USP47: variants seen among roughly 807,000 people sequenced by gnomAD.
The protein encoded by USP47 is ubiquitin specific peptidase 47, also known as ubiquitin carboxyl-terminal hydrolase 47.
In USP47, 35 loss-of-function variants were observed where a neutral mutation model predicts 165.1. The observed-to-expected ratio is 0.21, with a 90% confidence interval of 0.16 to 0.28. USP47 has a LOEUF of 0.28. USP47 is among the 10% of genes least tolerant of loss of function. The pLI is 1.00. For synonymous variants in USP47, 531 were observed against 544.5 expected (o/e 0.98, Z 0.35); for missense variants, 1,277 against 1,607.4 (o/e 0.79, Z 3.52).
chr11:11,846,480 TGAAG>T (rs1848433400), intron 1 of USP47, among the ~76,000 whole-genome samples: 1 of 152,008 alleles, frequency 6.6e-6, no homozygotes, highest in Admixed American at 6.6e-5. Flanking sequence ...ATGGAAAAAA[TGAAG>T]GAAAAAGAGT....
chr11:11,931,772 G>A lies in USP47; in HGVS notation c.1651+1021G>A, dbSNP rs137869427. On this transcript the variant is annotated intron_variant, in intron 14 of 27. Transcript: ENST00000527733. ...ATAAAATTTTTTTCCCCTTTTTAAT[G>A]CCAAATAATCATTGGCTTTATTAAA... is the stretch of plus-strand genomic sequence containing the variant. Among the ~76,000 whole-genome samples, 782 of 152,096 alleles carry A rather than the reference G, an allele frequency of 5.1e-3. 10 individuals are homozygous for A. Among genetic ancestry groups the A allele is most frequent in the African/African-American group, 0.018 (751 of 41,466 alleles).
chr11:11,883,321 G>A (rs1282323822), intron 2 of USP47, among the ~76,000 whole-genome samples: 1 of 152,094 alleles, frequency 6.6e-6, no homozygotes, highest in African/African-American at 2.4e-5. Flanking sequence ...TGTGTTTATA[G>A]TATTCTAAGC....
At chr11:11,875,600 T>C (rs1787546213) in intron 1 of USP47, among the ~76,000 whole-genome samples, 1 of 152,224 alleles carries the variant, frequency 6.6e-6, no homozygotes, top group African/African-American at 2.4e-5. Flanking sequence ...TATGGTTTTA[T>C]TCTTTCTACT....
chr11:11,938,296 A>T lies in USP47; in HGVS notation c.2117A>T (p.Glu706Val). ...GTTCATGTTGTTGATCTAAAGGCAGAATCTGTAGCTGCTCCTATAACTGTT... is the reference window on the plus strand; with the variant it reads ...GTTCATGTTGTTGATCTAAAGGCAGTATCTGTAGCTGCTCCTATAACTGTT... ...VKVHVVDLKAESVAAPITVRA... is the reference protein window; with the variant it reads ...VKVHVVDLKAVSVAAPITVRA... Residue 706 changes from glutamate to valine, a missense_variant, in exon 18 of 28, where the codon GAA becomes GTA. By Grantham distance (121) the Glu-to-Val change is moderately radical (BLOSUM62 -2). Transcript: ENST00000527733. 7 of 1,612,298 alleles carry T rather than the reference A, an allele frequency of 4.3e-6. No individual in the cohort carries two copies. The highest frequency in any genetic ancestry group is 5.9e-6 in the Non-Finnish European group (7 of 1,178,840).
At chr11:11,912,890 C>T (rs1006478608) in intron 8 of USP47, among the ~76,000 whole-genome samples, 6 of 151,764 alleles carry the variant, frequency 4.0e-5, no homozygotes, top group South Asian at 4.2e-4. Flanking sequence ...TCCATATTAA[C>T]GAGCCAAAAA....
rs1360635272 is a variant in USP47, at chr11:11,892,105, T to G, written c.495T>G (p.Thr165=). ...CATCTATTTTGAATAAATCAGAAAC[T>G]GGTAAGATTTGTTGTATTTTCATAA... ...SYSSILNKSE[T]GYVGLVNQAM... is the part of the protein sequence containing the mutation. The change falls in exon 4 of 28, where the codon ACT becomes ACG. Residue 165 remains threonine (T), a splice_region_variant and synonymous_variant. Coordinates refer to ENST00000527733, the MANE Select transcript of USP47 (RefSeq NM_001282659.2). The G allele has an allele frequency of 6.2e-7, 1 of 1,610,920 alleles. No individual in the cohort carries two copies. The highest frequency in any genetic ancestry group is 1.3e-5 in the African/African-American group (1 of 74,694).
intron 1 of USP47, among the ~76,000 whole-genome samples, chr11:11,853,628 A>C (rs73411066): frequency 0.064 from 9,781 of 152,252 alleles, 998 homozygotes; most frequent in African/African-American, 0.22. Flanking sequence ...CTTTGTCCTT[A>C]GGTGTGGAAG....
chr11:11,857,767 T>C (rs182878205), intron 1 of USP47, among the ~76,000 whole-genome samples: 1 of 152,186 alleles, frequency 6.6e-6, no homozygotes, highest in Non-Finnish European at 1.5e-5. Flanking sequence ...GTACCTCTGG[T>C]TGGTTGCAGA....
intron 3 of USP47, among the ~76,000 whole-genome samples, chr11:11,887,466 T>TA (rs1403881648): frequency 1.3e-5 from 2 of 151,676 alleles, no homozygotes; most frequent in African/African-American, 4.8e-5. Context: ...CCAACAAAGA[T>TA]AAAAAAAGAC....
chr11:11,842,874 G>A (rs901905163), intron 1 of USP47, among the ~76,000 whole-genome samples: 2 of 139,078 alleles, frequency 1.4e-5, no homozygotes, highest in African/African-American at 5.4e-5. Context: ...GTTGGGTTGT[G>A]TATGCCAATT....
chr11:11,892,928 A>G (rs532113692), intron 4 of USP47, among the ~76,000 whole-genome samples: 53 of 152,204 alleles, frequency 3.5e-4, no homozygotes, highest in African/African-American at 1.2e-3. Context: ...CAGAAAGGAA[A>G]GTCTGTGTTG....
At position 11,956,173 on chromosome 11, in the gene USP47, T is replaced by C; in HGVS notation, c.4066T>C (p.Ter1356ArgextTer2). ...GAPNKDLTQD[*>R] is the part of the protein sequence containing the mutation. ...ACCAAATAAAGATCTGACTCAAGAC[T>C]GACTCTGATAGTGTAGCATTTTCCC... Residue 1356 changes from the stop codon to arginine (R), a stop_lost, in exon 28 of 28, where the codon TGA (stop) becomes CGA (arginine). Transcript: ENST00000527733. The C allele has an allele frequency of 6.2e-7, 1 of 1,613,992 alleles. No individual in the cohort carries two copies. Among genetic ancestry groups the C allele is most frequent in the Non-Finnish European group, 8.5e-7 (1 of 1,179,958 alleles).
intron 1 of USP47, among the ~76,000 whole-genome samples, chr11:11,878,274 G>A (rs1251722462): frequency 6.6e-6 from 1 of 152,080 alleles, no homozygotes; most frequent in East Asian, 1.9e-4. Context: ...TCTTAGCGTT[G>A]TCTTCCTTTG....
At chr11:11,947,031 A>C (rs898545636) in intron 20 of USP47, among the ~76,000 whole-genome samples, 1 of 152,158 alleles carries the variant, frequency 6.6e-6, no homozygotes, top group Non-Finnish European at 1.5e-5. Context: ...AACCAGACCT[A>C]ACATGGAGGG....
intron 8 of USP47, among the ~76,000 whole-genome samples, chr11:11,919,564 T>C (rs942115267): frequency 4.0e-5 from 6 of 151,812 alleles, no homozygotes; most frequent in Admixed American, 2.6e-4. Context: ...AAATTAACAA[T>C]CCAGGATCCT....
chr11:11,862,787 G>A (rs1413191973), intron 1 of USP47, among the ~76,000 whole-genome samples: 2 of 151,956 alleles, frequency 1.3e-5, no homozygotes, highest in African/African-American at 4.8e-5. Context: ...GAACTCCTGG[G>A]CTCAAGTGAT....
chr11:11,910,735 G>C (rs1852913114), intron 8 of USP47, among the ~76,000 whole-genome samples: 1 of 152,102 alleles, frequency 6.6e-6, no homozygotes, highest in East Asian at 1.9e-4. Context: ...GACTTCTAAT[G>C]CCATCTGGCA....
Position 11,943,153 on chromosome 11 carries a change from A to T in USP47, c.3091+41A>T, listed in dbSNP as rs768322089. 1.5e-5 allele frequency: 24 copies of T among 1,548,450 alleles called. No individual in the cohort carries two copies. In the South Asian group the frequency reaches 3.0e-4, roughly 19 times the overall value. ...GAAAAACGGTCCTTGAAACAGCATC[A>T]GTTTTTCTCTCAGTTTATTTAAATT... On this transcript the variant is annotated intron_variant, in intron 20 of 27. Transcript: ENST00000527733.
In USP47 at chr11:11,888,479, A is replaced by G. The variant is rs4622254; in HGVS notation, c.358-3489A>G. Among the ~76,000 whole-genome samples the G allele has an allele frequency of 5.1e-3, 780 of 152,256 alleles. 6 individuals carry two copies. Among genetic ancestry groups the G allele is most frequent in the African/African-American group, 0.018 (741 of 41,558 alleles). ...AATATGGATAAATTCCTGGACACAT[A>G]CACCGTTCCAAGACTGAACTAGGAA... On this transcript the variant is annotated intron_variant, in intron 3 of 27. Coordinates refer to ENST00000527733, the MANE Select transcript of USP47 (RefSeq NM_001282659.2).
Sources: gnomAD v4.1 joint callset for allele counts (sites outside exome capture counted in the v4.1 genomes callset) on GRCh38, gnomAD v4.1.1 for gene constraint, MANE v1.5 for transcripts, NCBI Gene and HGNC (gene_info 2026-07-23, HGNC 2026-07-21) for gene names.